Variants in EYS observed in about 807,000 individuals in gnomAD.
The protein encoded by EYS is EGF-like photoreceptor maintenance factor.
EYS carries 250 observed loss-of-function variants against 282.1 expected under a neutral mutation model. The ratio of observed to expected loss-of-function variants is 0.89; its 90% CI spans 0.80 to 0.98. The LOEUF is 0.98. Among genes scored for constraint, EYS ranks in the 50% least tolerant of loss-of-function variants. The pLI is 0.00. For synonymous variants in EYS, 1,355 were observed against 1,282.9 expected, an observed-to-expected ratio of 1.06 and a Z score of -1.20; for missense variants, 4,016 against 3,709.0, an observed-to-expected ratio of 1.08 and a Z score of -2.15.
At chr6:65,030,295 G>A (rs545224817) in intron 13 of EYS, among the ~76,000 whole-genome samples, 2 of 152,136 alleles carry the variant, frequency 1.3e-5, no homozygotes, top group African/African-American at 4.8e-5. Flanking sequence ...GGTGCTTCCT[G>A]GTGGCCATTG....
chr6:64,384,950 G>A (rs754914829), intron 29 of EYS, among the ~76,000 whole-genome samples: 14 of 152,136 alleles, frequency 9.2e-5, no homozygotes, highest in Non-Finnish European at 1.6e-4. Context: ...AGACATTATT[G>A]GAAACTTAGG....
chr6:65,090,386 C>T (rs1328652585), intron 12 of EYS, among the ~76,000 whole-genome samples: 3 of 152,148 alleles, frequency 2.0e-5, no homozygotes, highest in African/African-American at 7.2e-5. Context: ...TTAGGCCTCA[C>T]CTGCCATGCA....
In EYS at chr6:64,591,357, G is replaced by A; in HGVS notation, c.4510C>T (p.Gln1504Ter). 2 of 1,551,300 alleles carry A rather than the reference G, an allele frequency of 1.3e-6. No individual in the cohort carries two copies. The highest frequency in any genetic ancestry group is 2.4e-5 in the South Asian group (2 of 84,056). Residue 1504 changes from glutamine (Q) to a stop codon, truncating the protein, a stop_gained, in exon 26 of 43, where the codon CAG becomes TAG. Coordinates refer to ENST00000503581, the MANE Select transcript of EYS (RefSeq NM_001142800.2). LOFTEE classifies it high-confidence loss of function. ...GCTGATGAGTTTAAGATGGTTACCT[G>A]TTTAGATATAATTACCTTAGCAGGA... ...IFPAKVIISK[Q>*]VTILNSSALH...
chr6:64,386,876 C>A (rs1367952282), intron 29 of EYS, among the ~76,000 whole-genome samples: 2 of 152,108 alleles, frequency 1.3e-5, no homozygotes, highest in African/African-American at 4.8e-5. Flanking sequence ...CTAACCCCTC[C>A]AGTTGTACAC....
At chr6:64,450,468 G>A (rs1427819637) in intron 26 of EYS, among the ~76,000 whole-genome samples, 1 of 152,042 alleles carries the variant, frequency 6.6e-6, no homozygotes, top group Non-Finnish European at 1.5e-5. Context: ...AAGTTGATGA[G>A]GATATCCAGG....
intron 40 of EYS, among the ~76,000 whole-genome samples, 169 bp from the exon 41 acceptor site, chr6:63,762,802 A>G (rs898934331): frequency 2.0e-5 from 3 of 152,138 alleles, no homozygotes; most frequent in African/African-American, 7.2e-5. Flanking sequence ...AACTGGTTAT[A>G]GGATTACTGG....
chr6:64,112,623 A>G (rs542588497), intron 31 of EYS, among the ~76,000 whole-genome samples: 1 of 151,798 alleles, frequency 6.6e-6, no homozygotes, highest in African/African-American at 2.4e-5. Flanking sequence ...TTTATACACT[A>G]GTCTTTTCTA....
intron 12 of EYS, among the ~76,000 whole-genome samples, chr6:65,074,187 G>A (rs1583458700): frequency 1.3e-5 from 2 of 152,116 alleles, no homozygotes; most frequent in Non-Finnish European, 2.9e-5. Flanking sequence ...TGAAAAACAG[G>A]TAATTCCCTT....
At chr6:65,102,019 C>T (rs1477730749) in intron 12 of EYS, among the ~76,000 whole-genome samples, 1 of 151,188 alleles carries the variant, frequency 6.6e-6, no homozygotes, top group East Asian at 1.9e-4. Context: ...TATTCACATA[C>T]CTGCTATTTT....
intron 22 of EYS, among the ~76,000 whole-genome samples, chr6:64,669,996 T>A (rs548873813): frequency 9.9e-5 from 15 of 152,158 alleles, no homozygotes; most frequent in Admixed American, 7.2e-4. Flanking sequence ...GACATGTAAA[T>A]CTTTTAAAAA....
In EYS at chr6:65,296,012, T is replaced by C; in HGVS notation, c.1874A>G (p.His625Arg). The C allele has an allele frequency of 6.4e-7, 1 of 1,551,196 alleles. No individual in the cohort carries two copies. The highest frequency in any genetic ancestry group is 8.7e-7 in the Non-Finnish European group (1 of 1,146,540). The change falls in exon 12 of 43, where the codon CAC (histidine) becomes CGC (arginine). Residue 625 changes from histidine (H) to arginine (R), a missense_variant. Physicochemically the swap from His to Arg is conservative, Grantham distance 29. Coordinates refer to ENST00000503581, the MANE Select transcript of EYS (RefSeq NM_001142800.2). ...TTGCAGACCGCTACAGTTACAATTG[T>C]GCGAAAGGGCCAGGCAGAGGCCATG... ...SVHGLCLALS[H>R]NCNCSGLQRY... is the part of the protein sequence containing the mutation.
chr6:65,061,927 C>T (rs139423861), intron 12 of EYS, among the ~76,000 whole-genome samples: 106 of 152,040 alleles, frequency 7.0e-4, no homozygotes, highest in Admixed American at 2.0e-3. Context: ...TTTCTTCTTA[C>T]TCTTTATTTT....
At chr6:63,852,860 A>G (rs550824694) in intron 36 of EYS, among the ~76,000 whole-genome samples, 2 of 152,348 alleles carry the variant, frequency 1.3e-5, no homozygotes, top group South Asian at 4.1e-4. Context: ...TCCATCACAT[A>G]AACAGAACCA....
chr6:65,665,446 T>G (rs542815710), intron 1 of EYS, among the ~76,000 whole-genome samples: 13 of 152,246 alleles, frequency 8.5e-5, no homozygotes, highest in African/African-American at 2.9e-4. Flanking sequence ...AAACGATGAA[T>G]TCCTACACAG....
At chr6:64,259,676 AATCT>A (rs1434529618) in intron 30 of EYS, among the ~76,000 whole-genome samples, 1 of 78,098 alleles carries the variant, frequency 1.3e-5, no homozygotes, top group Non-Finnish European at 3.0e-5. Context: ...ACACACACAC[AATCT>A]GAGTTCTGTG....
intron 29 of EYS, among the ~76,000 whole-genome samples, chr6:64,354,361 C>T (rs1246667537): frequency 6.6e-6 from 1 of 151,500 alleles, no homozygotes; most frequent in Non-Finnish European, 1.5e-5. Context: ...ATTGATCATT[C>T]CTTTTTGTTA....
chr6:64,534,118 A>C (rs1332272976), intron 26 of EYS, among the ~76,000 whole-genome samples: 1 of 151,888 alleles, frequency 6.6e-6, no homozygotes, highest in Admixed American at 6.6e-5. Flanking sequence ...GTCAAAAATC[A>C]TCAAACCTAA....
chr6:64,947,101 T>C lies in EYS; in HGVS notation c.2260-1187A>G, dbSNP rs867041204. Among the ~76,000 whole-genome samples, 57 of 151,876 alleles carry C rather than the reference T, an allele frequency of 3.8e-4. 1 individual carries two copies. Among genetic ancestry groups the C allele is most frequent in the Middle Eastern group, 3.2e-3 (1 of 316 alleles). On this transcript the variant is annotated intron_variant, in intron 14 of 42. Coordinates refer to ENST00000503581, the MANE Select transcript of EYS (RefSeq NM_001142800.2). ...GATTACAGAACGCATCTTAGTTTAATACATCTCAACATCCTGTACAGATCT... is the reference window on the plus strand; with the variant it reads ...GATTACAGAACGCATCTTAGTTTAACACATCTCAACATCCTGTACAGATCT...
At chr6:65,559,429 A>G (rs1768946756) in intron 2 of EYS, among the ~76,000 whole-genome samples, 1 of 151,976 alleles carries the variant, frequency 6.6e-6, no homozygotes, top group African/African-American at 2.4e-5. Flanking sequence ...TTTTTTGGCT[A>G]CTCCCAATAG....
Sources: allele counts gnomAD v4.1 joint callset (sites outside exome capture counted in the v4.1 genomes callset), GRCh38; gene constraint gnomAD v4.1.1; transcripts MANE v1.5; gene names NCBI Gene and HGNC (gene_info 2026-07-23, HGNC 2026-07-21).